Variants in FHIT observed in about 807,000 individuals in gnomAD.
FHIT encodes fragile histidine triad diadenosine triphosphatase.
Under a neutral mutation model 17.9 loss-of-function variants are expected in FHIT, and 19 were observed. That is an observed-to-expected ratio of 1.06 (90% CI 0.74 to 1.56). The LOEUF (loss-of-function observed/expected upper bound fraction) is 1.56, where lower values mean the gene tolerates loss of function less well. Among genes scored for constraint, FHIT ranks in the 40% most tolerant of loss-of-function variants. FHIT has a pLI of 0.00. For missense variants in FHIT, 248 were observed against 189.2 expected (o/e 1.31, Z -1.82); for synonymous variants, 81 against 69.7 (o/e 1.16, Z -0.81).
intron 3 of FHIT, among the ~76,000 whole-genome samples, chr3:60,894,239 C>T (rs1423112664): frequency 2.0e-5 from 3 of 152,138 alleles, no homozygotes; most frequent in East Asian, 3.8e-4. Flanking sequence ...TACAAATAAA[C>T]GTTAACATAC....
intron 3 of FHIT, among the ~76,000 whole-genome samples, chr3:60,858,152 T>G (rs1423574922): frequency 1.3e-5 from 2 of 152,196 alleles, no homozygotes; most frequent in African/African-American, 4.8e-5. Context: ...AATGAACACT[T>G]AATGAGTACT....
At chr3:60,733,778 G>A (rs1235167593) in intron 4 of FHIT, among the ~76,000 whole-genome samples, 9 of 152,050 alleles carry the variant, frequency 5.9e-5, no homozygotes, top group Non-Finnish European at 8.8e-5. Flanking sequence ...GAGGACCCTT[G>A]GTCTCCTGCC....
At chr3:60,568,466 G>GCT (rs1408002156) in intron 4 of FHIT, among the ~76,000 whole-genome samples, 2 of 151,540 alleles carry the variant, frequency 1.3e-5, no homozygotes, top group African/African-American at 4.8e-5. Context: ...GTGGGGTGGA[G>GCT]GGAGGGGGGA....
intron 1 of FHIT, among the ~76,000 whole-genome samples, chr3:61,246,702 G>A (rs1434064247): frequency 6.6e-6 from 1 of 151,886 alleles, no homozygotes; most frequent in African/African-American, 2.4e-5. Context: ...TTGTGGGGTA[G>A]AGGGGGAAGG....
At chr3:59,902,817 T>G (rs1404906926) in intron 8 of FHIT, among the ~76,000 whole-genome samples, 1 of 152,112 alleles carries the variant, frequency 6.6e-6, no homozygotes, top group Non-Finnish European at 1.5e-5. Context: ...AATAATCTGG[T>G]CAAGGGTACA....
chr3:60,319,548 G>A (rs541985591), intron 5 of FHIT, among the ~76,000 whole-genome samples: 19 of 152,216 alleles, frequency 1.2e-4, no homozygotes, highest in Admixed American at 3.3e-4. Flanking sequence ...TTCACATTAA[G>A]GTGGGACCAA....
Position 61,023,164 on chromosome 3 carries a change from T to A in FHIT, c.-111+18883A>T, listed in dbSNP as rs184412778. Among the ~76,000 whole-genome samples the A allele has an allele frequency of 8.2e-3, 1,244 of 152,264 alleles. 16 individuals are homozygous for A. Among genetic ancestry groups the A allele is most frequent in the African/African-American group, 0.028 (1,167 of 41,536 alleles). ...GCAAAGTCTCAGGATACAAAATCAA[T>A]GTGCAAAAATCACAAGCATTCCTAC... is the stretch of plus-strand genomic sequence containing the variant. On this transcript the variant is annotated intron_variant, in intron 3 of 9. Transcript: ENST00000492590.
intron 8 of FHIT, among the ~76,000 whole-genome samples, chr3:59,881,819 C>T (rs1305713988): frequency 1.3e-5 from 2 of 152,094 alleles, no homozygotes; most frequent in East Asian, 3.8e-4. Context: ...TGGTGTAACT[C>T]ATTAATTAAA....
chr3:60,785,735 A>C (rs572281281), intron 4 of FHIT, among the ~76,000 whole-genome samples: 23 of 152,294 alleles, frequency 1.5e-4, no homozygotes, highest in African/African-American at 5.3e-4. Flanking sequence ...AAGTGATTTC[A>C]ATTCCACTTA....
At chr3:61,091,428 G>A (rs574662110) in intron 2 of FHIT, among the ~76,000 whole-genome samples, 1 of 152,214 alleles carries the variant, frequency 6.6e-6, no homozygotes, top group East Asian at 1.9e-4. Context: ...TACCTCATAA[G>A]ATTAAATTAG....
intron 4 of FHIT, among the ~76,000 whole-genome samples, chr3:60,585,247 T>C (rs1415731770): frequency 1.3e-5 from 2 of 151,980 alleles, no homozygotes; most frequent in Non-Finnish European, 2.9e-5. Context: ...TATCCAGGAC[T>C]TGAATGCTCC....
intron 5 of FHIT, among the ~76,000 whole-genome samples, chr3:60,014,554 G>T (rs1700269203): frequency 6.6e-6 from 1 of 152,156 alleles, no homozygotes. Flanking sequence ...TATCTACTTG[G>T]TTTCTCTAGG....
At chr3:60,693,352 G>A (rs192070229) in intron 4 of FHIT, among the ~76,000 whole-genome samples, 22 of 152,048 alleles carry the variant, frequency 1.4e-4, no homozygotes, top group East Asian at 3.9e-4. Context: ...TTTTAATTTC[G>A]TATAGCAGTA....
At chr3:60,361,852 A>G (rs76809622) in intron 5 of FHIT, among the ~76,000 whole-genome samples, 3,108 of 152,302 alleles carry the variant, frequency 0.02, 67 homozygotes, top group African/African-American at 0.054. Context: ...GAGCTGTACT[A>G]TCTCATATCT....
chr3:60,412,568 C>A (rs1166363080), intron 5 of FHIT, among the ~76,000 whole-genome samples: 1 of 152,012 alleles, frequency 6.6e-6, no homozygotes, highest in African/African-American at 2.4e-5. Flanking sequence ...TTATTGACCA[C>A]CGAAGAAAAG....
intron 5 of FHIT, among the ~76,000 whole-genome samples, chr3:60,137,606 G>C (rs1699868443): frequency 6.6e-6 from 1 of 152,132 alleles, no homozygotes; most frequent in African/African-American, 2.4e-5. Flanking sequence ...CACTGATGGA[G>C]ACAAAGCTTG....
At chr3:60,362,076 A>C (rs1699928623) in intron 5 of FHIT, among the ~76,000 whole-genome samples, 1 of 151,950 alleles carries the variant, frequency 6.6e-6, no homozygotes, top group Non-Finnish European at 1.5e-5. Flanking sequence ...CTGAGATTTA[A>C]AAAAAAATAA....
chr3:60,772,118 T>C (rs1280716867), intron 4 of FHIT, among the ~76,000 whole-genome samples: 1 of 151,582 alleles, frequency 6.6e-6, no homozygotes, highest in Non-Finnish European at 1.5e-5. Context: ...GACTCTGCCA[T>C]GACTATCTGT....
At position 60,535,476 on chromosome 3, in the gene FHIT, T is replaced by C. The variant is rs1028650086; in HGVS notation, c.103+1384A>G. Among the ~76,000 whole-genome samples the C allele has an allele frequency of 5.1e-4, 78 of 152,148 alleles. 1 individual carries two copies. The highest frequency in any genetic ancestry group is 3.8e-4 in the East Asian group (2 of 5,200). The stretch of plus-strand genomic sequence containing the variant: ...AAGGAAAAAGCCCACTACAAACTTA[T>C]AGCAAAATAAAATGTTACTTCAAGA... On this transcript the variant is annotated intron_variant, in intron 5 of 9. Transcript: ENST00000492590.
Sources: allele counts gnomAD v4.1 joint callset (sites outside exome capture counted in the v4.1 genomes callset), GRCh38; gene constraint gnomAD v4.1.1; transcripts MANE v1.5; gene names NCBI Gene and HGNC (gene_info 2026-07-23, HGNC 2026-07-21).